Variants in NOS3 observed in about 807,000 individuals in gnomAD.
The protein encoded by NOS3 is NOS type III.
A neutral mutation model predicts 144.9 loss-of-function variants in NOS3; 98 were observed. That is an observed-to-expected ratio of 0.68 (90% CI 0.57 to 0.80). The LOEUF (loss-of-function observed/expected upper bound fraction) is 0.80. Ranked by LOEUF, NOS3 falls within the 30% of genes least tolerant of loss-of-function variation. The pLI is 0.00. For synonymous variants in NOS3, 714 were observed against 702.4 expected (o/e 1.02, Z -0.26); for missense variants, 1,465 against 1,656.4 (o/e 0.88, Z 2.01).
rs745719753 is a variant in NOS3, at chr7:150,995,311, G to A, written c.267G>A (p.Gln89=). 68 of 1,607,564 alleles carry A rather than the reference G, an allele frequency of 4.2e-5. No individual in the cohort carries two copies. Among genetic ancestry groups the A allele is most frequent in the Non-Finnish European group, 5.6e-5 (66 of 1,175,896 alleles). ...ATGACACCCTCAGCGCCCAGGCGCA[G>A]CAGGTAAGGCCGGCATGCCCTGTCC... ...ITYDTLSAQA[Q]QDGPCTPRRC... Residue 89 remains glutamine, a synonymous_variant, in exon 3 of 27, where the codon CAG becomes CAA. Transcript: ENST00000297494.
At chr7:151,005,803 G>T (rs1364056699) in intron 14 of NOS3, among the ~76,000 whole-genome samples, 1 of 152,198 alleles carries the variant, frequency 6.6e-6, no homozygotes, top group African/African-American at 2.4e-5. Context: ...CCAGGCCGGA[G>T]GATCGCTTGA....
rs763089406 is a variant in NOS3, at chr7:151,013,849, G to A, written c.3381G>A (p.Val1127=). 10 of 1,605,570 alleles carry A rather than the reference G, an allele frequency of 6.2e-6. No individual in the cohort carries two copies. Among genetic ancestry groups the A allele is most frequent in the Non-Finnish European group, 6.8e-6 (8 of 1,176,730 alleles). ...VTMATNVLQT[V]QRILATEGDM... is the part of the protein sequence containing the mutation. ...TGGCAACCAACGTCCTGCAGACCGT[G>A]CAGCGCATCCTGGCGACGGAGGGCG... Residue 1127 remains valine, a synonymous_variant, in exon 26 of 27, where the codon GTG becomes GTA. Transcript: ENST00000297494.
chr7:151,010,685 C>T lies in NOS3; in HGVS notation c.2774C>T (p.Ala925Val). 6.2e-7 allele frequency: 1 copy of T among 1,610,026 alleles called. No individual in the cohort carries two copies. Among genetic ancestry groups the T allele is most frequent in the Non-Finnish European group, 8.5e-7 (1 of 1,178,510 alleles). ...CAGTTCCCGTCGGTGGCGCTGCCTG[C>T]CCCACTGCTCCTCACCCAGCTGCCT... ...LEQFPSVALP[A>V]PLLLTQLPLL... Residue 925 changes from alanine to valine, a missense_variant, in exon 22 of 27, where the codon GCC (alanine) becomes GTC (valine). Ala to Val is a moderately conservative substitution (Grantham distance 64). This residue lies in a region of NOS3 where 106 missense variants were observed against 167.7 expected (regional missense o/e 0.63). Coordinates refer to ENST00000297494, the MANE Select transcript of NOS3 (RefSeq NM_000603.5).
chr7:151,000,115 G>A (rs1312532213), intron 9 of NOS3, among the ~76,000 whole-genome samples: 1 of 149,040 alleles, frequency 6.7e-6, no homozygotes, highest in African/African-American at 2.5e-5. Flanking sequence ...TGGGTTTGTG[G>A]GTGGGTGTGG....
intron 23 of NOS3, chr7:151,011,719 T>TTTCA: frequency 3.7e-6 from 1 of 269,196 alleles, no homozygotes; most frequent in South Asian, 2.8e-5. Context: ...AGAGACGGTG[T>TTTCA]TTCACTATGT....
chr7:150,996,021 A>C (rs922381243), intron 3 of NOS3, among the ~76,000 whole-genome samples: 1 of 776 alleles, frequency 1.3e-3, no homozygotes, highest in Non-Finnish European at 3.2e-3. Flanking sequence ...CTCCCATCCC[A>C]CCCCTGCACC....
chr7:150,995,275 G>A lies in NOS3; in HGVS notation c.231G>A (p.Gly77=), dbSNP rs147733456. ...CTCGTGTGAAGAACTGGGAGGTGGG[G>A]AGCATCACCTATGACACCCTCAGCG... ...KFPRVKNWEV[G]SITYDTLSAQ... Residue 77 remains glycine (G), a synonymous_variant, in exon 3 of 27, where the codon GGG becomes GGA. Transcript: ENST00000297494. 9 of 1,611,578 alleles carry A rather than the reference G, an allele frequency of 5.6e-6. No homozygotes were observed. Among genetic ancestry groups the A allele is most frequent in the Admixed American group, 3.3e-5 (2 of 59,954 alleles).
At position 151,001,349 on chromosome 7, in the gene NOS3, C is replaced by A. The variant is rs1795090310; in HGVS notation, c.1352C>A (p.Pro451His). ...GCAGACTGGGCCTGGATCGTGCCCC[C>A]CATCTCGGGCAGCCTCACTCCTGTT... is the stretch of plus-strand genomic sequence containing the variant. ...CPADWAWIVPPISGSLTPVFH... is the reference protein window; with the variant it reads ...CPADWAWIVPHISGSLTPVFH... Residue 451 changes from proline (P) to histidine (H), a missense_variant, in exon 11 of 27, where the codon CCC (proline) becomes CAC (histidine). Coordinates refer to ENST00000297494, the MANE Select transcript of NOS3 (RefSeq NM_000603.5). 6.2e-7 allele frequency: 1 copy of A among 1,613,220 alleles called. No individual in the cohort carries two copies.
Position 150,998,456 on chromosome 7 carries a change from C to T in NOS3, c.674+8C>T, listed in dbSNP as rs758333369. On this transcript the variant is annotated splice_region_variant and intron_variant, in intron 6 of 26. Transcript: ENST00000297494. This position sits in a 1 kb window ranked among gnomAD's most constrained non-coding sequence, Gnocchi z 5.0. ...CAACCGGGGCAACCTTCGGTGAGTG[C>T]CCCCCACCATGCCAGGCCCCAGCCT... 1.2e-6 allele frequency: 2 copies of T among 1,611,312 alleles called. No homozygotes were observed. Among genetic ancestry groups the T allele is most frequent in the Non-Finnish European group, 1.7e-6 (2 of 1,179,334 alleles).
chr7:151,012,535 G>T lies in NOS3; in HGVS notation c.3106+63G>T, dbSNP rs528215012. On this transcript the variant is annotated intron_variant, in intron 24 of 26. Coordinates refer to ENST00000297494, the MANE Select transcript of NOS3 (RefSeq NM_000603.5). ...ACACAATCTAGGGACAGAGGGGTGG[G>T]GCTGGAAGGCAGGAAATAGGAAAGA... 5 of 1,552,298 alleles carry T rather than the reference G, an allele frequency of 3.2e-6. No individual in the cohort carries two copies. The African/African-American group carries it at 6.8e-5, about 21-fold the overall frequency.
chr7:151,013,698 C>G (rs1795364723), intron 25 of NOS3, 26 bp from the exon 26 acceptor site: 2 of 1,263,326 alleles, frequency 1.6e-6, no homozygotes, highest in African/African-American at 1.5e-5. Flanking sequence ...CCCACCAGGG[C>G]CCGCCCTAAC....
At chr7:151,000,443 C>T (rs542555968) in intron 9 of NOS3, 55 bp from the exon 10 acceptor site, 149 of 1,120,970 alleles carry the variant, frequency 1.3e-4, no homozygotes, top group African/African-American at 8.2e-4. Context: ...GTCTCCCCAC[C>T]CCACCCCCGT....
rs959901339 is a variant in NOS3 at position 151,003,612 on chromosome 7, C to T, written c.1752+1308C>T. 1 of 1,158,022 alleles carries T rather than the reference C, an allele frequency of 8.6e-7. No individual in the cohort carries two copies. The highest frequency in any genetic ancestry group is 1.2e-6 in the Non-Finnish European group (1 of 854,988). The allele number at this position is 1,158,022 out of a possible 1,614,324, so 71.7% of individuals were successfully genotyped here. ...ACAAGGCATAGCACATTTTCACCAC[C>T]CTGGAAAGTTCCCTCATCAGTTCCT... On this transcript the variant is annotated intron_variant, in intron 14 of 26. Transcript: ENST00000297494. The surrounding 1 kb of genome is among the most constrained non-coding windows in gnomAD (Gnocchi z 4.1).
rs1283660650 is a variant in NOS3 at position 150,993,478 on chromosome 7, T to C, written c.-51-275T>C. On this transcript the variant is annotated intron_variant, in intron 1 of 26. Transcript: ENST00000297494. This position sits in a 1 kb window ranked among gnomAD's most constrained non-coding sequence, Gnocchi z 4.0. ...GACCTTTATGACCCCCTGGTGGCTC[T>C]ACCCTGCCACTCCCCAATGCCCCAG... Among the ~76,000 whole-genome samples, 1 of 152,134 alleles carries C rather than the reference T, an allele frequency of 6.6e-6. No individual in the cohort carries two copies. The highest frequency in any genetic ancestry group is 1.5e-5 in the Non-Finnish European group (1 of 67,988).
chr7:151,009,329 C>A (rs2117131820), intron 19 of NOS3, 62 bp downstream of exon 19: 2 of 1,265,842 alleles, frequency 1.6e-6, no homozygotes, highest in South Asian at 1.3e-5. Context: ...CCTGGACCCT[C>A]CTCCTCCCAC....
intron 20 of NOS3, 26 bp from the exon 21 acceptor site, chr7:151,010,089 C>A: frequency 6.6e-7 from 1 of 1,525,600 alleles, no homozygotes; most frequent in Non-Finnish European, 9.0e-7. Flanking sequence ...GCCCTGTCCT[C>A]AGAGCTCCCT....
intron 2 of NOS3, among the ~76,000 whole-genome samples, chr7:150,994,517 C>T (rs549278901): frequency 7.0e-4 from 107 of 152,238 alleles, no homozygotes; most frequent in African/African-American, 2.3e-3. Context: ...CCCCTCTCCT[C>T]GTGGCTGTCA....
rs1008484717 is a variant in NOS3 at position 151,012,335 on chromosome 7, G to T, written c.2985-16G>T. ...GGAAAGGCAAAGGGGACCTGATGGA[G>T]TGTCTCTCCTGCCAGGGCTCCCTCC... On this transcript the variant is annotated splice_polypyrimidine_tract_variant and intron_variant, in intron 23 of 26. Coordinates refer to ENST00000297494, the MANE Select transcript of NOS3 (RefSeq NM_000603.5). 2.9e-5 allele frequency: 45 copies of T among 1,548,284 alleles called. No homozygotes were observed. The highest frequency in any genetic ancestry group is 3.4e-5 in the Non-Finnish European group (39 of 1,144,282).
rs1411810594 is a variant in NOS3, at chr7:150,993,191, G to A, written c.-51-562G>A. ...GGGATACCCTAATGTCAGACTCAAGGACAAAAAGTCACTACATCCTTGCTG... is the reference window on the plus strand; with the variant it reads ...GGGATACCCTAATGTCAGACTCAAGAACAAAAAGTCACTACATCCTTGCTG... On this transcript the variant is annotated intron_variant, in intron 1 of 26. Coordinates refer to ENST00000297494, the MANE Select transcript of NOS3 (RefSeq NM_000603.5). This position sits in a 1 kb window ranked among gnomAD's most constrained non-coding sequence, Gnocchi z 4.0. 1.3e-5 allele frequency among the ~76,000 whole-genome samples: 2 copies of A among 152,146 alleles called. No individual in the cohort carries two copies. Among genetic ancestry groups the A allele is most frequent in the African/African-American group, 2.4e-5 (1 of 41,438 alleles).
Sources: gnomAD v4.1 joint callset for allele counts (sites outside exome capture counted in the v4.1 genomes callset) on GRCh38, gnomAD v4.1.1 for gene constraint, gnomAD v4.1.1 regional missense constraint, Gnocchi (gnomAD v3.1) non-coding constraint, MANE v1.5 for transcripts, NCBI Gene and HGNC (gene_info 2026-07-23, HGNC 2026-07-21) for gene names.